Variants in ASAP1 observed in about 807,000 individuals in gnomAD.
ASAP1 encodes the protein arf-GAP with SH3 domain, ANK repeat and PH domain-containing protein 1.
In ASAP1, 43 loss-of-function variants were observed where a neutral mutation model predicts 145.2. That is an observed-to-expected ratio of 0.30 (90% CI 0.23 to 0.38). The LOEUF is 0.38. Among genes scored for constraint, ASAP1 ranks in the 10% least tolerant of loss-of-function variants. The probability of loss-of-function intolerance (pLI) is 1.00; values close to 1 mark genes in which losing one functional copy is unlikely to be tolerated. For synonymous variants in ASAP1, 546 were observed against 515.5 expected (o/e 1.06, Z -0.80); for missense variants, 1,018 against 1,355.3 (o/e 0.75, Z 3.91).
intron 24 of ASAP1, among the ~76,000 whole-genome samples, chr8:130,102,145 G>A (rs914142066): frequency 1.3e-5 from 2 of 152,166 alleles, no homozygotes; most frequent in African/African-American, 4.8e-5. Context: ...CTGAGCAGGA[G>A]TGGTCAAAGC....
At chr8:130,274,127 AT>A in intron 3 of ASAP1, among the ~76,000 whole-genome samples, 1 of 152,034 alleles carries the variant, frequency 6.6e-6, no homozygotes, top group East Asian at 1.9e-4. Context: ...TTATATAATC[AT>A]TTTTCATTCT....
intron 25 of ASAP1, among the ~76,000 whole-genome samples, chr8:130,089,996 C>A (rs1484531620): frequency 2.6e-5 from 4 of 152,154 alleles, no homozygotes; most frequent in Admixed American, 2.6e-4. Flanking sequence ...GAGAAACTGA[C>A]AGACAGAACA....
intron 1 of ASAP1, among the ~76,000 whole-genome samples, chr8:130,405,669 G>A (rs1828995030): frequency 6.6e-6 from 1 of 152,236 alleles, no homozygotes; most frequent in Admixed American, 6.5e-5. Flanking sequence ...GAGAGATGAA[G>A]TGTGAAAGAG....
chr8:130,389,330 T>C (rs1420130326), intron 2 of ASAP1, among the ~76,000 whole-genome samples: 2 of 152,136 alleles, frequency 1.3e-5, no homozygotes, highest in East Asian at 3.8e-4. Context: ...AGTTCCGCCA[T>C]GTGATGCCAA....
intron 15 of ASAP1, 27 bp downstream of exon 15, chr8:130,134,269 T>A (rs1449724049): frequency 1.3e-6 from 2 of 1,544,012 alleles, no homozygotes; most frequent in African/African-American, 2.8e-5. Flanking sequence ...ATCCAAGGCA[T>A]CGCACCTTTA....
chr8:130,397,442 G>A (rs117606691), intron 2 of ASAP1, among the ~76,000 whole-genome samples: 4,151 of 152,156 alleles, frequency 0.027, 60 homozygotes, highest in Middle Eastern at 0.044. Flanking sequence ...TGCCCAGCCC[G>A]TATATTTATT....
chr8:130,243,372 T>G (rs1316646249), intron 3 of ASAP1, among the ~76,000 whole-genome samples: 1 of 152,214 alleles, frequency 6.6e-6, no homozygotes, highest in Non-Finnish European at 1.5e-5. Context: ...ATAATATTCA[T>G]GTTTATTTCT....
intron 3 of ASAP1, among the ~76,000 whole-genome samples, chr8:130,323,810 C>T (rs1039231604): frequency 1.3e-5 from 2 of 152,160 alleles, no homozygotes; most frequent in Non-Finnish European, 2.9e-5. Flanking sequence ...TCCCCTCTAG[C>T]CTTGAGAGAC....
At chr8:130,287,366 A>T (rs1008530115) in intron 3 of ASAP1, among the ~76,000 whole-genome samples, 19 of 152,206 alleles carry the variant, frequency 1.2e-4, no homozygotes, top group Non-Finnish European at 2.6e-4. Context: ...GGGACAATGC[A>T]GTATAGATGA....
chr8:130,225,923 G>C (rs560988506), intron 4 of ASAP1, among the ~76,000 whole-genome samples: 63 of 152,264 alleles, frequency 4.1e-4, no homozygotes, highest in African/African-American at 1.3e-3. Context: ...CTGTTGCCCA[G>C]GCTGTAATGC....
intron 5 of ASAP1, among the ~76,000 whole-genome samples, chr8:130,190,871 T>C (rs982411775): frequency 2.0e-5 from 3 of 152,148 alleles, no homozygotes; most frequent in African/African-American, 4.8e-5. Flanking sequence ...AGCTTAGTAG[T>C]ATAATTTGAA....
chr8:130,107,708 T>C (rs2097539852), intron 24 of ASAP1, among the ~76,000 whole-genome samples: 1 of 151,802 alleles, frequency 6.6e-6, no homozygotes, highest in African/African-American at 2.4e-5. Flanking sequence ...CCACCAAGCC[T>C]GGTTAATTCT....
chr8:130,106,144 CA>C (rs1312173816), intron 24 of ASAP1, among the ~76,000 whole-genome samples: 1 of 152,028 alleles, frequency 6.6e-6, no homozygotes, highest in Non-Finnish European at 1.5e-5. Flanking sequence ...TTACAAAGGA[CA>C]GGGGGAAAGG....
chr8:130,404,436 G>A (rs1828935818), intron 1 of ASAP1, among the ~76,000 whole-genome samples: 1 of 152,202 alleles, frequency 6.6e-6, no homozygotes, highest in Non-Finnish European at 1.5e-5. Context: ...ACTGGCATAA[G>A]GATAAACATA....
intron 27 of ASAP1, among the ~76,000 whole-genome samples, chr8:130,070,004 T>C (rs984161491): frequency 1.3e-5 from 2 of 152,202 alleles, no homozygotes; most frequent in Non-Finnish European, 2.9e-5. Flanking sequence ...AAAGTTGGTA[T>C]ATTTGAACAC....
chr8:130,185,954 T>C (rs1814697695), intron 7 of ASAP1, among the ~76,000 whole-genome samples: 1 of 152,198 alleles, frequency 6.6e-6, no homozygotes, highest in Non-Finnish European at 1.5e-5. Context: ...AGTACTTTAG[T>C]TGACAAAGCA....
intron 27 of ASAP1, among the ~76,000 whole-genome samples, chr8:130,062,935 T>A (rs555751213): frequency 1.3e-5 from 2 of 152,158 alleles, no homozygotes; most frequent in Non-Finnish European, 2.9e-5. Context: ...ACGGTGCCAT[T>A]GCACTCCAGC....
At chr8:130,319,425 A>C (rs998336099) in intron 3 of ASAP1, among the ~76,000 whole-genome samples, 4 of 152,232 alleles carry the variant, frequency 2.6e-5, no homozygotes, top group African/African-American at 9.6e-5. Flanking sequence ...AGCCAGTTCA[A>C]GGGGTGGTGG....
intron 3 of ASAP1, among the ~76,000 whole-genome samples, chr8:130,265,760 C>T (rs941515018): frequency 3.9e-5 from 6 of 151,946 alleles, no homozygotes; most frequent in South Asian, 2.1e-4. Flanking sequence ...GCCTGTGGTC[C>T]CAAGTACTTA....
Sources: gnomAD v4.1 joint callset for allele counts (sites outside exome capture counted in the v4.1 genomes callset) on GRCh38, gnomAD v4.1.1 for gene constraint, MANE v1.5 for transcripts, NCBI Gene and HGNC (gene_info 2026-07-23, HGNC 2026-07-21) for gene names.